The following PRKCH variants were observed in gnomAD, a reference collection of about 807,000 sequenced individuals.
PRKCH encodes the protein protein kinase C eta type.
A neutral mutation model predicts 82.5 loss-of-function variants in PRKCH; 28 were observed. That is an observed-to-expected ratio of 0.34 (90% CI 0.25 to 0.47). The LOEUF (loss-of-function observed/expected upper bound fraction) is 0.47. Among genes scored for constraint, PRKCH ranks in the 20% least tolerant of loss-of-function variants. The pLI is 1.00. For synonymous variants in PRKCH, 322 were observed against 327.4 expected (o/e 0.98, Z 0.18); for missense variants, 705 against 881.8 (o/e 0.80, Z 2.54).
At chr14:61,431,432 C>A (rs1200274012) in intron 2 of PRKCH, among the ~76,000 whole-genome samples, 2 of 152,192 alleles carry the variant, frequency 1.3e-5, no homozygotes, top group Admixed American at 6.5e-5. Flanking sequence ...CATTCCTGTT[C>A]TCAAACTTTT....
At chr14:61,281,852 C>T (rs2045271509) in intron 1 of PRKCH, 1 of 141,994 alleles carries the variant, frequency 7.0e-6, no homozygotes. Context: ...GAATTCAACG[C>T]CTGCGTTCAA....
intron 10 of PRKCH, among the ~76,000 whole-genome samples, chr14:61,498,172 C>G (rs771394160): frequency 5.9e-5 from 9 of 152,094 alleles, no homozygotes; most frequent in Non-Finnish European, 1.0e-4. Context: ...CGCCACCACA[C>G]TCGGCTAATT....
Position 61,280,294 on chromosome 14 carries a change from A to ACGCGGTAGGCGCCC in PRKCH, c.-19+92632_-19+92645dup. 1 of 1,613,782 alleles carries ACGCGGTAGGCGCCC rather than the reference A, an allele frequency of 6.2e-7. No homozygotes were observed. Among genetic ancestry groups the ACGCGGTAGGCGCCC allele is most frequent in the Non-Finnish European group, 8.5e-7 (1 of 1,179,932 alleles). Reference sequence around the variant, plus strand: ...CACCGGGTAGTTGTAGGTGATGTTGACGCGGTAGGCGCCCCGCGGCAGCCC... The same window carrying ACGCGGTAGGCGCCC: ...CACCGGGTAGTTGTAGGTGATGTTGACGCGGTAGGCGCCCCGCGGTAGGCGCCCCGCGGCAGCCC... On this transcript the variant is annotated intron_variant, in intron 1 of 3. Coordinates refer to the PRKCH transcript ENST00000555185. This position sits in a 1 kb window ranked among gnomAD's most constrained non-coding sequence, Gnocchi z 5.0.
At chr14:61,275,674 C>T (rs750099751) in intron 1 of PRKCH, among the ~76,000 whole-genome samples, 6 of 152,148 alleles carry the variant, frequency 3.9e-5, no homozygotes, top group Admixed American at 6.5e-5. Flanking sequence ...GTGAGCCATG[C>T]CCTCATCATG....
At chr14:61,208,064 G>A (rs1424088923) in intron 1 of PRKCH, among the ~76,000 whole-genome samples, 1 of 145,628 alleles carries the variant, frequency 6.9e-6, no homozygotes, top group African/African-American at 2.4e-5. Context: ...TGATTATGAA[G>A]TGACAACTGA....
At chr14:61,488,099 A>G (rs1455947601) in intron 10 of PRKCH, among the ~76,000 whole-genome samples, 3 of 151,722 alleles carry the variant, frequency 2.0e-5, no homozygotes, top group African/African-American at 7.3e-5. Flanking sequence ...GCCTGCAGTG[A>G]GCCGAGATCG....
intron 1 of PRKCH, among the ~76,000 whole-genome samples, chr14:61,246,859 A>G (rs1170422766): frequency 6.6e-6 from 1 of 152,144 alleles, no homozygotes; most frequent in African/African-American, 2.4e-5. Flanking sequence ...ATGTGCTGGG[A>G]TTACAGATGT....
intron 1 of PRKCH, among the ~76,000 whole-genome samples, chr14:61,198,817 T>C (rs2044459228): frequency 6.6e-6 from 1 of 152,162 alleles, no homozygotes; most frequent in Non-Finnish European, 1.5e-5. Context: ...GTAAGGAAAC[T>C]AAGGAGGCCA....
chr14:61,210,402 C>A (rs1452954799), intron 1 of PRKCH, among the ~76,000 whole-genome samples: 1 of 151,978 alleles, frequency 6.6e-6, no homozygotes, highest in Non-Finnish European at 1.5e-5. Flanking sequence ...CTTCCACTTG[C>A]CCTCTTGGGC....
intron 2 of PRKCH, among the ~76,000 whole-genome samples, chr14:61,394,548 A>C (rs1362082626): frequency 6.6e-6 from 1 of 152,340 alleles, no homozygotes; most frequent in Non-Finnish European, 1.5e-5. Flanking sequence ...AACTCTCTGC[A>C]TTAAGTTACA....
chr14:61,243,668 G>C (rs1478481188), intron 1 of PRKCH, among the ~76,000 whole-genome samples: 1 of 152,068 alleles, frequency 6.6e-6, no homozygotes, highest in African/African-American at 2.4e-5. Flanking sequence ...TAGTAACAGA[G>C]AGCTATGTCC....
intron 1 of PRKCH, chr14:61,322,740 A>C: frequency 2.7e-6 from 1 of 373,988 alleles, no homozygotes. Flanking sequence ...CAGGGCGGTC[A>C]CCCTTTCCGC....
chr14:61,266,242 A>T (rs1038329752), intron 1 of PRKCH, among the ~76,000 whole-genome samples: 5 of 150,994 alleles, frequency 3.3e-5, no homozygotes, highest in African/African-American at 1.2e-4. Context: ...GCATGGTGAA[A>T]CCCCGACTCT....
Position 61,280,906 on chromosome 14 carries a change from G to A in PRKCH, c.-19+93238G>A. 1.3e-6 allele frequency: 2 copies of A among 1,547,026 alleles called. No homozygotes were observed. Among genetic ancestry groups the A allele is most frequent in the East Asian group, 2.4e-5 (1 of 42,294 alleles). ...CGGCAGCGCCCGGCCCTGGCCAGCC[G>A]CGGCGCACACCGAGCAGTTACCGGT... On this transcript the variant is annotated intron_variant, in intron 1 of 3. Transcript: ENST00000555185. The surrounding 1 kb of genome is among the most constrained non-coding windows in gnomAD (Gnocchi z 5.0).
chr14:61,199,014 A>G (rs899680390), intron 1 of PRKCH, among the ~76,000 whole-genome samples: 20 of 152,252 alleles, frequency 1.3e-4, no homozygotes, highest in African/African-American at 4.6e-4. Flanking sequence ...CTTCCCACCA[A>G]GCTTACACAC....
At chr14:61,323,319 C>G (rs948712755) in intron 1 of PRKCH, among the ~76,000 whole-genome samples, 1 of 152,182 alleles carries the variant, frequency 6.6e-6, no homozygotes, top group African/African-American at 2.4e-5. Flanking sequence ...GCGCTCTACA[C>G]GGTGCTAACA....
At chr14:61,188,436 G>A (rs550052277) in intron 1 of PRKCH, among the ~76,000 whole-genome samples, 5 of 152,054 alleles carry the variant, frequency 3.3e-5, no homozygotes, top group African/African-American at 7.2e-5. Context: ...CTCCGGCTCC[G>A]GCTCCGGGTC....
chr14:61,456,103 T>C (rs1884754322), intron 7 of PRKCH, among the ~76,000 whole-genome samples: 1 of 152,382 alleles, frequency 6.6e-6, no homozygotes, highest in South Asian at 2.1e-4. Context: ...GTTTATTGAA[T>C]GTGCCAGGCA....
At chr14:61,204,992 T>C (rs907481876) in intron 1 of PRKCH, among the ~76,000 whole-genome samples, 6 of 152,222 alleles carry the variant, frequency 3.9e-5, no homozygotes, top group African/African-American at 1.4e-4. Flanking sequence ...TCTTACCATA[T>C]GCTTTGTATT....
Sources: gnomAD v4.1 joint callset for allele counts (sites outside exome capture counted in the v4.1 genomes callset) on GRCh38, gnomAD v4.1.1 for gene constraint, Gnocchi (gnomAD v3.1) non-coding constraint, MANE v1.5 for transcripts, NCBI Gene and HGNC (gene_info 2026-07-23, HGNC 2026-07-21) for gene names.